GRM7: variants seen among roughly 807,000 people sequenced by gnomAD.
GRM7 encodes glutamate metabotropic receptor 7.
Under a neutral mutation model 84.5 loss-of-function variants are expected in GRM7, and 35 were observed. That is an observed-to-expected ratio of 0.41 (90% CI 0.32 to 0.55). The LOEUF is 0.55. Among genes scored for constraint, GRM7 ranks in the 20% least tolerant of loss-of-function variants. The pLI, the probability that GRM7 is intolerant of heterozygous loss-of-function variation, is 0.19. For synonymous variants in GRM7, 487 were observed against 455.1 expected (o/e 1.07, Z -0.89); for missense variants, 1,003 against 1,194.6 (o/e 0.84, Z 2.36).
chr3:6,902,403 G>A (rs1696420275), intron 1 of GRM7, among the ~76,000 whole-genome samples: 1 of 152,044 alleles, frequency 6.6e-6, no homozygotes, highest in Non-Finnish European at 1.5e-5. Flanking sequence ...AAAGAATTTG[G>A]AACCCAAAGC....
chr3:7,309,588 C>T (rs1411960682), intron 4 of GRM7, among the ~76,000 whole-genome samples: 1 of 152,036 alleles, frequency 6.6e-6, no homozygotes, highest in Non-Finnish European at 1.5e-5. Flanking sequence ...ATCATGACTA[C>T]GTTCAGCAAA....
chr3:7,454,017 A>G (rs1043884733), intron 6 of GRM7, among the ~76,000 whole-genome samples: 15 of 151,884 alleles, frequency 9.9e-5, no homozygotes, highest in Admixed American at 7.2e-4. Flanking sequence ...TCTGAGGCCT[A>G]AAGTGCCCCA....
chr3:7,166,565 T>G (rs1443904887), intron 2 of GRM7, among the ~76,000 whole-genome samples: 1 of 152,168 alleles, frequency 6.6e-6, no homozygotes, highest in African/African-American at 2.4e-5. Context: ...TGAACTTCAT[T>G]CCAAGACAGC....
intron 7 of GRM7, among the ~76,000 whole-genome samples, chr3:7,549,923 C>T (rs569311900): frequency 4.6e-5 from 7 of 152,240 alleles, no homozygotes; most frequent in African/African-American, 1.4e-4. Context: ...ATGAAATGAA[C>T]ACATCTGTCC....
intron 1 of GRM7, among the ~76,000 whole-genome samples, chr3:7,061,669 C>G (rs1364290814): frequency 6.6e-6 from 1 of 151,570 alleles, no homozygotes; most frequent in Admixed American, 6.6e-5. Context: ...AACACTTGAC[C>G]TGGGTACCAG....
chr3:7,649,358 G>C (rs569372952), intron 8 of GRM7, among the ~76,000 whole-genome samples: 1 of 152,066 alleles, frequency 6.6e-6, no homozygotes, highest in Non-Finnish European at 1.5e-5. Flanking sequence ...AAAGTGCTGG[G>C]ATTACAGGTG....
chr3:7,459,893 A>C (rs2124905217), intron 6 of GRM7, among the ~76,000 whole-genome samples: 1 of 152,094 alleles, frequency 6.6e-6, no homozygotes, highest in African/African-American at 2.4e-5. Context: ...GAGCAGAGTA[A>C]GCCACTCAAG....
intron 1 of GRM7, among the ~76,000 whole-genome samples, chr3:6,958,609 G>A (rs1693165261): frequency 6.6e-6 from 1 of 152,138 alleles, no homozygotes. Flanking sequence ...AAATGGCAGT[G>A]ACGGTGGTCT....
chr3:7,519,320 C>G (rs903160394), intron 7 of GRM7, among the ~76,000 whole-genome samples: 4 of 151,602 alleles, frequency 2.6e-5, no homozygotes, highest in Admixed American at 2.6e-4. Context: ...TGAGATAGCA[C>G]CACTGCACTC....
At chr3:7,599,035 G>A (rs1229860764) in intron 8 of GRM7, among the ~76,000 whole-genome samples, 1 of 152,180 alleles carries the variant, frequency 6.6e-6, no homozygotes, top group African/African-American at 2.4e-5. Flanking sequence ...TCAACTGGAA[G>A]AGACTGTAGA....
At chr3:7,083,950 C>T (rs1207313822) in intron 1 of GRM7, among the ~76,000 whole-genome samples, 1 of 151,978 alleles carries the variant, frequency 6.6e-6, no homozygotes, top group Non-Finnish European at 1.5e-5. Flanking sequence ...CACGAAGCAT[C>T]CTTCAGTGTA....
chr3:7,397,122 T>A (rs1342546032), intron 4 of GRM7, among the ~76,000 whole-genome samples: 1 of 152,046 alleles, frequency 6.6e-6, no homozygotes, highest in African/African-American at 2.4e-5. Flanking sequence ...TTGTTAATAA[T>A]GGAAAGAGTT....
chr3:7,205,395 A>G (rs1696201526), intron 2 of GRM7, among the ~76,000 whole-genome samples: 1 of 152,200 alleles, frequency 6.6e-6, no homozygotes, highest in Non-Finnish European at 1.5e-5. Flanking sequence ...AACTCAGTCA[A>G]CCGAGTAACA....
intron 4 of GRM7, among the ~76,000 whole-genome samples, chr3:7,362,507 A>G (rs74825801): frequency 0.037 from 5,600 of 151,982 alleles, 317 homozygotes; most frequent in African/African-American, 0.12. Flanking sequence ...TTTTCCCCAC[A>G]GCTAGTTATT....
At chr3:7,209,458 A>G (rs1696348468) in intron 2 of GRM7, among the ~76,000 whole-genome samples, 1 of 152,194 alleles carries the variant, frequency 6.6e-6, no homozygotes, top group Admixed American at 6.5e-5. Flanking sequence ...GAGAGAGAAA[A>G]TTGAGAAGTT....
At chr3:7,199,813 C>T (rs1696004232) in intron 2 of GRM7, among the ~76,000 whole-genome samples, 1 of 152,184 alleles carries the variant, frequency 6.6e-6, no homozygotes, top group Non-Finnish European at 1.5e-5. Flanking sequence ...ATTTCCTAAA[C>T]TTTACTGATC....
chr3:6,904,568 G>T (rs1696500822), intron 1 of GRM7, among the ~76,000 whole-genome samples: 1 of 152,052 alleles, frequency 6.6e-6, no homozygotes. Context: ...CCCCAAAGTT[G>T]GTAATTCAAC....
chr3:7,364,456 GT>G (rs1190841836), intron 4 of GRM7, among the ~76,000 whole-genome samples: 4 of 151,582 alleles, frequency 2.6e-5, no homozygotes, highest in Non-Finnish European at 5.9e-5. Context: ...CTAGTGGTGA[GT>G]TTTATTATGT....
intron 1 of GRM7, among the ~76,000 whole-genome samples, chr3:6,916,757 C>T (rs1221835965): frequency 6.6e-6 from 1 of 152,116 alleles, no homozygotes; most frequent in East Asian, 1.9e-4. Context: ...CTTGGGGAGA[C>T]ACAAGCATTC....
Sources: gnomAD v4.1 joint callset for allele counts (sites outside exome capture counted in the v4.1 genomes callset) on GRCh38, gnomAD v4.1.1 for gene constraint, MANE v1.5 for transcripts, NCBI Gene and HGNC (gene_info 2026-07-23, HGNC 2026-07-21) for gene names.